The following GRID2 variants were observed in gnomAD, a reference collection of about 807,000 sequenced individuals.
GRID2 encodes the protein glutamate receptor ionotropic, delta-2.
GRID2 carries 33 observed loss-of-function variants against 114.8 expected under a neutral mutation model. That is an observed-to-expected ratio of 0.29 (90% CI 0.22 to 0.38). The LOEUF (loss-of-function observed/expected upper bound fraction) is 0.38. Among genes scored for constraint, GRID2 ranks in the 10% least tolerant of loss-of-function variants. The pLI is 1.00. For missense variants in GRID2, 1,184 were observed against 1,257.7 expected, an observed-to-expected ratio of 0.94 and a Z score of 0.89; for synonymous variants, 505 against 449.9, an observed-to-expected ratio of 1.12 and a Z score of -1.55.
At chr4:92,310,012 A>G (rs1725613388) in intron 1 of GRID2, among the ~76,000 whole-genome samples, 1 of 152,010 alleles carries the variant, frequency 6.6e-6, no homozygotes, top group African/African-American at 2.4e-5. Context: ...AAAAAAAAAC[A>G]CATGGACACA....
chr4:93,280,976 G>A (rs901070812), intron 8 of GRID2, among the ~76,000 whole-genome samples: 1 of 151,902 alleles, frequency 6.6e-6, no homozygotes, highest in Non-Finnish European at 1.5e-5. Flanking sequence ...CCCTGGGGAT[G>A]TGGTTTACAT....
At chr4:93,181,921 T>C (rs1433739939) in intron 4 of GRID2, among the ~76,000 whole-genome samples, 2 of 152,180 alleles carry the variant, frequency 1.3e-5, no homozygotes, top group Non-Finnish European at 2.9e-5. Context: ...TTTGTAAGAA[T>C]AGAATTATTT....
chr4:92,882,328 TA>T (rs1436774524), intron 2 of GRID2, among the ~76,000 whole-genome samples: 4 of 152,166 alleles, frequency 2.6e-5, no homozygotes, highest in Non-Finnish European at 5.9e-5. Flanking sequence ...CATATTTGAA[TA>T]AAAAATATTT....
intron 8 of GRID2, among the ~76,000 whole-genome samples, chr4:93,265,962 A>T (rs1156424645): frequency 6.6e-6 from 1 of 152,130 alleles, no homozygotes; most frequent in African/African-American, 2.4e-5. Flanking sequence ...AGCTTATTCT[A>T]GTTCAGGGTT....
intron 4 of GRID2, among the ~76,000 whole-genome samples, chr4:93,119,302 T>C (rs955368323): frequency 7.2e-5 from 11 of 152,174 alleles, no homozygotes; most frequent in African/African-American, 2.7e-4. Context: ...AGTGCTCACT[T>C]GGTTTTATTT....
At chr4:93,345,830 G>A (rs1338757245) in intron 8 of GRID2, among the ~76,000 whole-genome samples, 1 of 152,046 alleles carries the variant, frequency 6.6e-6, no homozygotes, top group Non-Finnish European at 1.5e-5. Context: ...TTTAGTGTGA[G>A]ATAAGGATTC....
intron 8 of GRID2, among the ~76,000 whole-genome samples, chr4:93,316,842 C>T (rs1393688943): frequency 6.6e-6 from 1 of 152,044 alleles, no homozygotes; most frequent in Non-Finnish European, 1.5e-5. Flanking sequence ...CCAATGTTTC[C>T]TTTCAAACTA....
chr4:93,757,508 A>G (rs1410330496), intron 14 of GRID2, among the ~76,000 whole-genome samples: 1 of 152,176 alleles, frequency 6.6e-6, no homozygotes, highest in Non-Finnish European at 1.5e-5. Context: ...TCCTAAACTG[A>G]CCATCCTTCT....
chr4:93,691,918 AGT>A (rs143955579), intron 14 of GRID2, among the ~76,000 whole-genome samples: 1 of 151,734 alleles, frequency 6.6e-6, no homozygotes, highest in Non-Finnish European at 1.5e-5. Context: ...ACATGTAAAC[AGT>A]GTGTGTGTGT....
chr4:93,515,580 G>C (rs1171040236), intron 13 of GRID2, among the ~76,000 whole-genome samples, 169 bp downstream of exon 13: 1 of 151,916 alleles, frequency 6.6e-6, no homozygotes, highest in Non-Finnish European at 1.5e-5. Context: ...AGATTTTTTA[G>C]GGAATTCAAA....
At chr4:93,675,901 G>T (rs1177254895) in intron 14 of GRID2, among the ~76,000 whole-genome samples, 1 of 152,170 alleles carries the variant, frequency 6.6e-6, no homozygotes, top group Non-Finnish European at 1.5e-5. Flanking sequence ...CCTAAGCAGA[G>T]GTTGGAAACA....
chr4:92,879,350 G>A (rs2149455345), intron 2 of GRID2, among the ~76,000 whole-genome samples: 1 of 152,182 alleles, frequency 6.6e-6, no homozygotes, highest in Non-Finnish European at 1.5e-5. Flanking sequence ...TTCTTCATAG[G>A]CATCAGACTG....
intron 2 of GRID2, among the ~76,000 whole-genome samples, chr4:92,912,500 AT>A (rs1489303929): frequency 3.3e-5 from 5 of 150,438 alleles, no homozygotes; most frequent in African/African-American, 4.9e-5. Context: ...CAGAAAAAAA[AT>A]GTTTATCATT....
At chr4:93,217,113 ACTTGCTT>A in intron 6 of GRID2, 1 of 398,060 alleles carries the variant, frequency 2.5e-6, no homozygotes, top group African/African-American at 2.0e-5. Context: ...AAAAATTTCT[ACTTGCTT>A]AATAAAAAAA....
At chr4:93,806,157 A>G (rs1561010583) in intron 1 of GRID2, among the ~76,000 whole-genome samples, 1 of 152,230 alleles carries the variant, frequency 6.6e-6, no homozygotes, top group Non-Finnish European at 1.5e-5. Context: ...TGTGTTTGAC[A>G]AAATCAAATT....
chr4:93,484,176 TA>T (rs1726146640), intron 11 of GRID2, among the ~76,000 whole-genome samples: 1 of 151,940 alleles, frequency 6.6e-6, no homozygotes, highest in African/African-American at 2.4e-5. Flanking sequence ...CTCAATGAAT[TA>T]CCAGCAATGG....
chr4:92,892,983 G>C (rs1366193108), intron 2 of GRID2, among the ~76,000 whole-genome samples: 1 of 152,102 alleles, frequency 6.6e-6, no homozygotes, highest in Non-Finnish European at 1.5e-5. Context: ...AAATATGAAA[G>C]AAATGCATTC....
intron 8 of GRID2, among the ~76,000 whole-genome samples, chr4:93,337,010 A>G (rs28642854): frequency 0.25 from 38,440 of 152,010 alleles, 8,141 homozygotes; most frequent in African/African-American, 0.58. Context: ...CCTTGTGGGG[A>G]GAAGTTTCTT....
At chr4:92,743,259 A>G (rs1736984020) in intron 2 of GRID2, among the ~76,000 whole-genome samples, 2 of 152,372 alleles carry the variant, frequency 1.3e-5, no homozygotes, top group Admixed American at 6.5e-5. Context: ...CCTGGGCAAC[A>G]GAATGAGACC....
Sources: gnomAD v4.1 joint callset for allele counts (sites outside exome capture counted in the v4.1 genomes callset) on GRCh38, gnomAD v4.1.1 for gene constraint, MANE v1.5 for transcripts, NCBI Gene and HGNC (gene_info 2026-07-23, HGNC 2026-07-21) for gene names.